Variants in AGPAT4 observed in about 807,000 individuals in gnomAD.
The protein encoded by AGPAT4 is 1-acyl-sn-glycerol-3-phosphate acyltransferase delta.
A neutral mutation model predicts 48.0 loss-of-function variants in AGPAT4; 15 were observed. That is an observed-to-expected ratio of 0.31 (90% CI 0.21 to 0.48). The LOEUF (loss-of-function observed/expected upper bound fraction) is 0.48, where lower values mean the gene tolerates loss of function less well. Among genes scored for constraint, AGPAT4 ranks in the 20% least tolerant of loss-of-function variants. AGPAT4 has a pLI of 0.99. For synonymous variants in AGPAT4, 178 were observed against 198.7 expected (o/e 0.90, Z 0.88); for missense variants, 314 against 482.5 (o/e 0.65, Z 3.27).
chr6:161,245,024 G>A lies in AGPAT4; in HGVS notation c.-89-12722C>T, dbSNP rs575627143. Reference sequence around the variant, plus strand: ...CTCCTGCAAATGCTAACTTAATTTCGCACACATGCCTACTAGCAAGCCGTG... The same window carrying A: ...CTCCTGCAAATGCTAACTTAATTTCACACACATGCCTACTAGCAAGCCGTG... On this transcript the variant is annotated intron_variant, in intron 1 of 8. Transcript: ENST00000320285. This position sits in a 1 kb window ranked among gnomAD's most constrained non-coding sequence, Gnocchi z 5.2. Among the ~76,000 whole-genome samples the A allele has an allele frequency of 2.6e-4, 40 of 152,336 alleles. No individual in the cohort carries two copies. Among genetic ancestry groups the A allele is most frequent in the South Asian group, 1.0e-3 (5 of 4,832 alleles).
chr6:161,181,608 C>T (rs755874130), intron 2 of AGPAT4, among the ~76,000 whole-genome samples: 5 of 152,180 alleles, frequency 3.3e-5, no homozygotes, highest in South Asian at 2.1e-4. Flanking sequence ...GAGACAGTCT[C>T]GCTCTGTTGC....
rs573072230 is a variant in AGPAT4, at chr6:161,245,081, A to G, written c.-89-12779T>C. Among the ~76,000 whole-genome samples the G allele has an allele frequency of 2.0e-5, 3 of 152,288 alleles. No individual in the cohort carries two copies. The highest frequency in any genetic ancestry group is 7.2e-5 in the African/African-American group (3 of 41,484). On this transcript the variant is annotated intron_variant, in intron 1 of 8. Coordinates refer to ENST00000320285, the MANE Select transcript of AGPAT4 (RefSeq NM_020133.3). The surrounding 1 kb of genome is among the most constrained non-coding windows in gnomAD (Gnocchi z 5.2). Reference sequence around the variant, plus strand: ...CTGGCAACTTATTTTGCAGTGGCCTATGCCAACCAGGGTAGAAACCTCCTT... The same window carrying G: ...CTGGCAACTTATTTTGCAGTGGCCTGTGCCAACCAGGGTAGAAACCTCCTT...
At position 161,231,053 on chromosome 6, in the gene AGPAT4, G is replaced by C. The variant is rs1782110161; in HGVS notation, c.178+983C>G. Among the ~76,000 whole-genome samples the C allele has an allele frequency of 9.1e-6, 1 of 109,332 alleles. No homozygotes were observed. Among genetic ancestry groups the C allele is most frequent in the East Asian group, 2.1e-4 (1 of 4,692 alleles). The allele number at this position is 109,332 out of a possible 152,430, so 71.7% of individuals were successfully genotyped here. ...ATTGTCTTGATTCAAATTCAAATTT[G>C]ATCATTTTAAAGGGTATCAAAAATA... On this transcript the variant is annotated intron_variant, in intron 2 of 8. Coordinates refer to ENST00000320285, the MANE Select transcript of AGPAT4 (RefSeq NM_020133.3). The surrounding 1 kb of genome is among the most constrained non-coding windows in gnomAD (Gnocchi z 5.3).
At chr6:161,157,913 C>T (rs1476157623) in intron 3 of AGPAT4, among the ~76,000 whole-genome samples, 1 of 152,178 alleles carries the variant, frequency 6.6e-6, no homozygotes, top group African/African-American at 2.4e-5. Flanking sequence ...TGTTTCCCCT[C>T]TGTGTGATGA....
chr6:161,146,554 C>G lies in AGPAT4; in HGVS notation c.813G>C (p.Ser271=). The G allele has an allele frequency of 6.2e-7, 1 of 1,614,032 alleles. No homozygotes were observed. The highest frequency in any genetic ancestry group is 8.5e-7 in the Non-Finnish European group (1 of 1,180,026). Residue 271 remains serine, a synonymous_variant, in exon 7 of 9, where the codon TCG becomes TCC. Transcript: ENST00000320285. This position sits in a 1 kb window ranked among gnomAD's most constrained non-coding sequence, Gnocchi z 7.1. ...EDIPEDDDEC[S]AWLHKLYQEK... ...CCTGGTAGAGCTTGTGCAGCCAGGC[C>G]GAGCACTCGTCATCGTCTTCAGGGA...
At chr6:161,248,773 T>C (rs1782733412) in intron 1 of AGPAT4, among the ~76,000 whole-genome samples, 1 of 152,090 alleles carries the variant, frequency 6.6e-6, no homozygotes, top group Non-Finnish European at 1.5e-5. Flanking sequence ...TCAATGCTAT[T>C]CCTATTAAAC....
chr6:161,221,306 T>G lies in AGPAT4; in HGVS notation c.178+10730A>C, dbSNP rs562293013. Among the ~76,000 whole-genome samples the G allele has an allele frequency of 5.9e-5, 9 of 152,104 alleles. No homozygotes were observed. The highest frequency in any genetic ancestry group is 1.2e-4 in the Non-Finnish European group (8 of 68,024). ...ATACAGTTTGTCACCTTCCTCCACGTCCAATGTCACCAGCCAGCCGCACTT... is the reference window on the plus strand; with the variant it reads ...ATACAGTTTGTCACCTTCCTCCACGGCCAATGTCACCAGCCAGCCGCACTT... On this transcript the variant is annotated intron_variant, in intron 2 of 8. Coordinates refer to ENST00000320285, the MANE Select transcript of AGPAT4 (RefSeq NM_020133.3). This position sits in a 1 kb window ranked among gnomAD's most constrained non-coding sequence, Gnocchi z 4.5.
Position 161,138,055 on chromosome 6 carries a change from T to C in AGPAT4, c.1042+1367A>G, listed in dbSNP as rs369644146. 3.3e-4 allele frequency among the ~76,000 whole-genome samples: 51 copies of C among 152,298 alleles called. 1 individual carries two copies. The South Asian group carries it at 9.8e-3, about 29-fold the overall frequency. ...GTGTGTGCCTTGCTGTTGCCTGCTATTGAAGCAGAAGGGTTGAGCTTGCCC... is the reference window on the plus strand; with the variant it reads ...GTGTGTGCCTTGCTGTTGCCTGCTACTGAAGCAGAAGGGTTGAGCTTGCCC... On this transcript the variant is annotated intron_variant, in intron 8 of 8. Coordinates refer to ENST00000320285, the MANE Select transcript of AGPAT4 (RefSeq NM_020133.3). The surrounding 1 kb of genome is among the most constrained non-coding windows in gnomAD (Gnocchi z 4.8).
rs1779517105 is a variant in AGPAT4 at position 161,149,086 on chromosome 6, T to C, written c.767+101A>G. On this transcript the variant is annotated intron_variant, in intron 6 of 8. Coordinates refer to ENST00000320285, the MANE Select transcript of AGPAT4 (RefSeq NM_020133.3). This position sits in a 1 kb window ranked among gnomAD's most constrained non-coding sequence, Gnocchi z 6.5. ...GCAAAACAGACTGCAAAGAAGTCAG[T>C]GTGACCCAGGGATCCCTGGAAGAAA... is the stretch of plus-strand genomic sequence containing the variant. The C allele has an allele frequency of 6.2e-6, 9 of 1,447,840 alleles. No individual in the cohort carries two copies. In the East Asian group the frequency reaches 1.2e-4, roughly 19 times the overall value. The allele number at this position is 1,447,840 out of a possible 1,614,324, so 89.7% of individuals were successfully genotyped here. A position where few individuals can be genotyped will look rare whatever the true frequency, so the allele number is the denominator to read the frequency against.
In AGPAT4 at chr6:161,262,046, C is replaced by T. The variant is rs1315637247; in HGVS notation, c.-90+11892G>A. On this transcript the variant is annotated intron_variant, in intron 1 of 8. Transcript: ENST00000320285. The surrounding 1 kb of genome is among the most constrained non-coding windows in gnomAD (Gnocchi z 4.9). ...CGTAGACCTTTGCCTGGTACATCAT[C>T]TTAAATGTCGCTGTGGTCATCATTA... is the stretch of plus-strand genomic sequence containing the variant. Among the ~76,000 whole-genome samples, 2 of 152,164 alleles carry T rather than the reference C, an allele frequency of 1.3e-5. No homozygotes were observed. The highest frequency in any genetic ancestry group is 1.5e-5 in the Non-Finnish European group (1 of 68,030).
Position 161,240,029 on chromosome 6 carries a change from A to C in AGPAT4, c.-89-7727T>G, listed in dbSNP as rs2115042741. Among the ~76,000 whole-genome samples, 1 of 152,330 alleles carries C rather than the reference A, an allele frequency of 6.6e-6. No homozygotes were observed. Among genetic ancestry groups the C allele is most frequent in the East Asian group, 1.9e-4 (1 of 5,194 alleles). ...CTGACATAAGGAAACAAAAAACTGAATTATGGAAGACCCACCAAATGGAAT... is the reference window on the plus strand; with the variant it reads ...CTGACATAAGGAAACAAAAAACTGACTTATGGAAGACCCACCAAATGGAAT... On this transcript the variant is annotated intron_variant, in intron 1 of 8. Coordinates refer to ENST00000320285, the MANE Select transcript of AGPAT4 (RefSeq NM_020133.3). This position sits in a 1 kb window ranked among gnomAD's most constrained non-coding sequence, Gnocchi z 5.5.
rs1477295346 is a variant in AGPAT4 at position 161,222,795 on chromosome 6, G to A, written c.178+9241C>T. Among the ~76,000 whole-genome samples, 2 of 152,124 alleles carry A rather than the reference G, an allele frequency of 1.3e-5. No homozygotes were observed. The highest frequency in any genetic ancestry group is 2.4e-5 in the African/African-American group (1 of 41,402). On this transcript the variant is annotated intron_variant, in intron 2 of 8. Coordinates refer to ENST00000320285, the MANE Select transcript of AGPAT4 (RefSeq NM_020133.3). This position sits in a 1 kb window ranked among gnomAD's most constrained non-coding sequence, Gnocchi z 5.9. ...TGCCTGCTCTCCTGCAGGTGTCTGT[G>A]GATGCTTCCTCTGGCCTCATTCATT...
In AGPAT4 at chr6:161,248,845, C is replaced by A. The variant is rs565703855; in HGVS notation, c.-89-16543G>T. ...AAACTATTTTAAAATTCATATGGAA[C>A]CAAAAAAGAGCCTGAATAGCCTAAG... is the stretch of plus-strand genomic sequence containing the variant. On this transcript the variant is annotated intron_variant, in intron 1 of 8. Transcript: ENST00000320285. 4.6e-5 allele frequency among the ~76,000 whole-genome samples: 7 copies of A among 152,114 alleles called. No individual in the cohort carries two copies. In the East Asian group the frequency reaches 1.3e-3, roughly 29 times the overall value.
chr6:161,207,815 A>G (rs1781418468), intron 2 of AGPAT4, among the ~76,000 whole-genome samples: 4 of 152,154 alleles, frequency 2.6e-5, no homozygotes, highest in Admixed American at 2.6e-4. Context: ...TTAGGGAAAG[A>G]GAAGTCCTAG....
Position 161,166,455 on chromosome 6 carries a change from C to G in AGPAT4, c.179-38G>C. 8.4e-6 allele frequency: 13 copies of G among 1,555,098 alleles called. 1 individual carries two copies. In the South Asian group the frequency reaches 1.6e-4, roughly 19 times the overall value. On this transcript the variant is annotated intron_variant, in intron 2 of 8. Coordinates refer to ENST00000320285, the MANE Select transcript of AGPAT4 (RefSeq NM_020133.3). This position sits in a 1 kb window ranked among gnomAD's most constrained non-coding sequence, Gnocchi z 6.7. ...ACAACAGACAGATGTTTACTACATG[C>G]AGCCTTGTCCTGGGAGCCCTGCTGA...
intron 3 of AGPAT4, among the ~76,000 whole-genome samples, chr6:161,162,717 A>G (rs944504605): frequency 8.5e-5 from 13 of 152,252 alleles, no homozygotes; most frequent in African/African-American, 3.1e-4. Flanking sequence ...GAAGACAAAT[A>G]TCCCAGTTGG....
rs1162684564 is a variant in AGPAT4, at chr6:161,221,416, A to G, written c.178+10620T>C. Among the ~76,000 whole-genome samples, 1 of 152,212 alleles carries G rather than the reference A, an allele frequency of 6.6e-6. No individual in the cohort carries two copies. Among genetic ancestry groups the G allele is most frequent in the Non-Finnish European group, 1.5e-5 (1 of 68,032 alleles). On this transcript the variant is annotated intron_variant, in intron 2 of 8. Coordinates refer to ENST00000320285, the MANE Select transcript of AGPAT4 (RefSeq NM_020133.3). This position sits in a 1 kb window ranked among gnomAD's most constrained non-coding sequence, Gnocchi z 4.5. ...GGATAAAAGCAAGGTATTTTATCGTATAATCTCTCATTTCCTATCTTATCA... is the reference window on the plus strand; with the variant it reads ...GGATAAAAGCAAGGTATTTTATCGTGTAATCTCTCATTTCCTATCTTATCA...
At chr6:161,167,725 C>T (rs1780146458) in intron 2 of AGPAT4, among the ~76,000 whole-genome samples, 1 of 152,208 alleles carries the variant, frequency 6.6e-6, no homozygotes. Flanking sequence ...AGCACCAGAG[C>T]CCTCTAGAAG....
At position 161,251,551 on chromosome 6, in the gene AGPAT4, G is replaced by A. The variant is rs1252239994; in HGVS notation, c.-89-19249C>T. On this transcript the variant is annotated intron_variant, in intron 1 of 8. Coordinates refer to ENST00000320285, the MANE Select transcript of AGPAT4 (RefSeq NM_020133.3). The surrounding 1 kb of genome is among the most constrained non-coding windows in gnomAD (Gnocchi z 4.6). ...CACCTGATCTCCTCTTCCTCTCCCA[G>A]AGGCTGCACAACGTTACCCTGCATT... is the stretch of plus-strand genomic sequence containing the variant. Among the ~76,000 whole-genome samples the A allele has an allele frequency of 6.6e-6, 1 of 152,160 alleles. No individual in the cohort carries two copies. The highest frequency in any genetic ancestry group is 1.5e-5 in the Non-Finnish European group (1 of 68,036).
Sources: gnomAD v4.1 joint callset for allele counts (sites outside exome capture counted in the v4.1 genomes callset) on GRCh38, gnomAD v4.1.1 for gene constraint, Gnocchi (gnomAD v3.1) non-coding constraint, MANE v1.5 for transcripts, NCBI Gene and HGNC (gene_info 2026-07-23, HGNC 2026-07-21) for gene names.